Variants in RCL1 observed in about 807,000 individuals in gnomAD.
The protein encoded by RCL1 is RNA 3'-terminal phosphate cyclase-like protein.
RCL1 carries 24 observed loss-of-function variants against 42.4 expected under a neutral mutation model. The observed-to-expected ratio is 0.57, with a 90% CI of 0.41 to 0.80. RCL1 has a LOEUF of 0.80. RCL1 is among the 30% of genes least tolerant of loss of function. The pLI is 0.00. For missense variants in RCL1, 578 were observed against 467.9 expected, an observed-to-expected ratio of 1.24 and a Z score of -2.17; for synonymous variants, 228 against 177.3, an observed-to-expected ratio of 1.29 and a Z score of -2.27.
intron 5 of RCL1, among the ~76,000 whole-genome samples, chr9:4,835,756 C>A (rs896865004): frequency 6.6e-6 from 1 of 152,218 alleles, no homozygotes; most frequent in Non-Finnish European, 1.5e-5. Flanking sequence ...TGGCCGTAAG[C>A]CTTGGTTGCC....
In RCL1 at chr9:4,836,009, C is replaced by T. The variant is rs144086147; in HGVS notation, c.584+1744C>T. Among the ~76,000 whole-genome samples, 23 of 152,072 alleles carry T rather than the reference C, an allele frequency of 1.5e-4. No homozygotes were observed. In the East Asian group the frequency reaches 2.3e-3, roughly 15 times the overall value. The stretch of plus-strand genomic sequence containing the variant: ...GTTGGGATGAGTTTTCAGTTGTTAC[C>T]GAGTTAGGATGGGATTGAGGGTAAG... On this transcript the variant is annotated intron_variant, in intron 5 of 8. Coordinates refer to ENST00000381750, the MANE Select transcript of RCL1 (RefSeq NM_005772.5).
intron 1 of RCL1, among the ~76,000 whole-genome samples, chr9:4,803,461 C>G (rs1843040109): frequency 6.6e-6 from 1 of 152,098 alleles, no homozygotes; most frequent in Non-Finnish European, 1.5e-5. Context: ...CTCCCCTCAA[C>G]TTAGGGATTT....
chr9:4,795,046 C>A (rs900165110), intron 1 of RCL1, among the ~76,000 whole-genome samples: 2 of 152,044 alleles, frequency 1.3e-5, no homozygotes, highest in African/African-American at 4.8e-5. Flanking sequence ...GGCTTCAGGG[C>A]CTCAGAAACC....
intron 1 of RCL1, among the ~76,000 whole-genome samples, chr9:4,810,628 A>G (rs542299452): frequency 7.3e-6 from 1 of 137,140 alleles, no homozygotes; most frequent in East Asian, 2.1e-4. Flanking sequence ...TACCAAGAAT[A>G]TTCTTGTACA....
In RCL1 at chr9:4,850,505, T is replaced by G. The variant is rs573886584; in HGVS notation, c.971+955T>G. The G allele has an allele frequency of 1.3e-5, 3 of 231,564 alleles. No individual in the cohort carries two copies. In the East Asian group the frequency reaches 2.7e-4, roughly 21 times the overall value. The allele number at this position is 231,564 out of a possible 1,614,324, so 14.3% of individuals were successfully genotyped here. On this transcript the variant is annotated intron_variant, in intron 8 of 8. Transcript: ENST00000381750. ...GGCTTTTTTTTTTCTTTTTTTTTTTTTTTTTGGAATTCGTGGTGGGAGGTT... is the reference window on the plus strand; with the variant it reads ...GGCTTTTTTTTTTCTTTTTTTTTTTGTTTTTGGAATTCGTGGTGGGAGGTT...
At chr9:4,795,061 A>G (rs1229448666) in intron 1 of RCL1, among the ~76,000 whole-genome samples, 3 of 151,444 alleles carry the variant, frequency 2.0e-5, no homozygotes, top group Non-Finnish European at 4.4e-5. Context: ...GAAACCTTGT[A>G]GATGTTTGTC....
At chr9:4,817,885 AG>A (rs1382082979) in intron 1 of RCL1, among the ~76,000 whole-genome samples, 72 of 129,874 alleles carry the variant, frequency 5.5e-4, no homozygotes, top group African/African-American at 1.9e-3. Flanking sequence ...CTAAACTCTC[AG>A]TTCATTTTGC....
At chr9:4,838,175 C>G (rs184416636) in intron 5 of RCL1, among the ~76,000 whole-genome samples, 1 of 152,280 alleles carries the variant, frequency 6.6e-6, no homozygotes, top group Admixed American at 6.5e-5. Flanking sequence ...CATGGGAGGG[C>G]TCAGACTGGG....
At chr9:4,793,267 C>T in intron 1 of RCL1, 40 bp downstream of exon 1, 1 of 1,550,604 alleles carries the variant, frequency 6.4e-7, no homozygotes. Context: ...GGCGCGGGGG[C>T]TGAGGGGAGA....
intron 7 of RCL1, among the ~76,000 whole-genome samples, chr9:4,847,953 G>A (rs1465750352): frequency 6.6e-6 from 1 of 152,172 alleles, no homozygotes; most frequent in African/African-American, 2.4e-5. Context: ...CAGGTATCTG[G>A]CAGGTGACAC....
In RCL1 at chr9:4,844,648, C is replaced by G; in HGVS notation, c.834C>G (p.Asn278Lys). Residue 278 changes from asparagine to lysine, a missense_variant, in exon 7 of 9, where the codon AAC becomes AAG. Asn to Lys is a moderately conservative substitution (Grantham distance 94). Transcript: ENST00000381750. ...TACTTCCAGAGGACCTTGGCAGGAA[C>G]TGTGCCCGGCTGCTGCTGGAGGAAA... ...AAVLPEDLGR[N>K]CARLLLEEIY... 1 of 1,613,688 alleles carries G rather than the reference C, an allele frequency of 6.2e-7. No individual in the cohort carries two copies. The highest frequency in any genetic ancestry group is 8.5e-7 in the Non-Finnish European group (1 of 1,179,894).
chr9:4,840,929 C>T (rs894630359), intron 5 of RCL1, among the ~76,000 whole-genome samples: 12 of 152,070 alleles, frequency 7.9e-5, no homozygotes, highest in Non-Finnish European at 1.0e-4. Flanking sequence ...GTCTTTACAC[C>T]TTCCAAAATT....
intron 2 of RCL1, among the ~76,000 whole-genome samples, chr9:4,826,210 T>G (rs775013271): frequency 1.3e-5 from 2 of 152,148 alleles, no homozygotes; most frequent in African/African-American, 2.4e-5. Context: ...CATGCCGCTG[T>G]ACTCCAGCTT....
rs561220236 is a variant in RCL1 at position 4,827,908 on chromosome 9, C to T, written c.384+875C>T. 3.5e-4 allele frequency among the ~76,000 whole-genome samples: 53 copies of T among 152,084 alleles called. No individual in the cohort carries two copies. The South Asian group carries it at 6.4e-3, about 18-fold the overall frequency. On this transcript the variant is annotated intron_variant, in intron 3 of 8. Coordinates refer to ENST00000381750, the MANE Select transcript of RCL1 (RefSeq NM_005772.5). ...AGATATCTTAAAGCTGATGGCCGGC[C>T]GGGCGCAGTGGCTTACGCCTGTAAT...
At chr9:4,793,856 G>A (rs1842872405) in intron 1 of RCL1, among the ~76,000 whole-genome samples, 1 of 152,196 alleles carries the variant, frequency 6.6e-6, no homozygotes, top group Non-Finnish European at 1.5e-5. Flanking sequence ...AACAGTCATG[G>A]GCCTAATTGC....
At chr9:4,846,550 TG>T (rs1409686408) in intron 7 of RCL1, among the ~76,000 whole-genome samples, 1 of 145,222 alleles carries the variant, frequency 6.9e-6, no homozygotes, top group Non-Finnish European at 1.5e-5. Context: ...TCACGAAGTT[TG>T]TGGTCTACTT....
intron 5 of RCL1, chr9:4,839,702 T>A (rs1817250008): frequency 4.1e-6 from 4 of 985,122 alleles, no homozygotes; most frequent in Non-Finnish European, 4.8e-6. Context: ...AGGTTTGTCC[T>A]TTGAGTCAAG....
intron 1 of RCL1, among the ~76,000 whole-genome samples, chr9:4,796,052 G>A (rs1028547719): frequency 4.6e-5 from 7 of 152,094 alleles, no homozygotes; most frequent in African/African-American, 1.4e-4. Context: ...TGGTGGCTGC[G>A]GAAATCATTG....
At chr9:4,809,695 A>G (rs953206718) in intron 1 of RCL1, among the ~76,000 whole-genome samples, 2 of 152,236 alleles carry the variant, frequency 1.3e-5, no homozygotes, top group Admixed American at 1.3e-4. Flanking sequence ...AACTGGCAAC[A>G]TAGCCTTTCC....
Sources: allele counts gnomAD v4.1 joint callset (sites outside exome capture counted in the v4.1 genomes callset), GRCh38; gene constraint gnomAD v4.1.1; transcripts MANE v1.5; gene names NCBI Gene and HGNC (gene_info 2026-07-23, HGNC 2026-07-21).